The following EMG1 variants were observed in gnomAD, a reference collection of about 807,000 sequenced individuals.
EMG1 encodes ribosomal RNA small subunit methyltransferase NEP1.
EMG1 carries 24 observed loss-of-function variants against 26.9 expected under a neutral mutation model. The observed-to-expected ratio is 0.89, with a 90% CI of 0.65 to 1.26. The LOEUF (loss-of-function observed/expected upper bound fraction) is 1.26. Ranked by LOEUF, EMG1 falls within the 50% of genes most tolerant of loss-of-function variation. The probability of loss-of-function intolerance (pLI) is 0.00; values close to 1 mark genes in which losing one functional copy is unlikely to be tolerated. For synonymous variants in EMG1, 140 were observed against 112.6 expected (o/e 1.24, Z -1.54); for missense variants, 299 against 307.6 (o/e 0.97, Z 0.21).
At chr12:6,990,583 C>T (rs1210631461), downstream of EMG1, among the ~76,000 whole-genome samples, 1 of 150,052 alleles carries the variant, frequency 6.7e-6, no homozygotes, top group Non-Finnish European at 1.5e-5. Flanking sequence ...CCCCAAACAA[C>T]TTTTGTTAAT....
chr12:6,996,782 G>A (rs1443536256), intron 7 of EMG1, among the ~76,000 whole-genome samples: 6 of 152,214 alleles, frequency 3.9e-5, no homozygotes, highest in Non-Finnish European at 8.8e-5. Context: ...CAATGTTGTA[G>A]AGGTTAAAGA....
chr12:6,989,724 C>G (rs1286330770), downstream of EMG1, among the ~76,000 whole-genome samples: 1 of 152,144 alleles, frequency 6.6e-6, no homozygotes, highest in Non-Finnish European at 1.5e-5. Context: ...CACTCAGTTC[C>G]AAGTGCTGTT....
Position 6,976,365 on chromosome 12 carries a change from G to A in EMG1, c.*556G>A, listed in dbSNP as rs1372683725. 6.5e-6 allele frequency: 1 copy of A among 153,960 alleles called. No individual in the cohort carries two copies. Among genetic ancestry groups the A allele is most frequent in the Admixed American group, 6.5e-5 (1 of 15,462 alleles). 9.5% of individuals were successfully genotyped at this position (153,960 alleles called of 1,614,324 possible). On this transcript the variant is annotated 3_prime_UTR_variant, in exon 6 of 6. Coordinates refer to ENST00000599672, the MANE Select transcript of EMG1 (RefSeq NM_006331.8). ...CAATAGATTCCTGGCTAGATGGGGAGAGATAAGGCAATGTGCATGGGGGAA... is the reference window on the plus strand; with the variant it reads ...CAATAGATTCCTGGCTAGATGGGGAAAGATAAGGCAATGTGCATGGGGGAA...
In EMG1 at chr12:6,997,377, TTATGTG is replaced by T. The variant is rs1368752362; in HGVS notation, c.*366_*371del. 12 of 91,716 alleles carry T rather than the reference TTATGTG, an allele frequency of 1.3e-4. No homozygotes were observed. In the South Asian group the frequency reaches 3.1e-3, roughly 23 times the overall value. The allele number at this position is 91,716 out of a possible 1,614,324, so 5.7% of individuals were successfully genotyped here. A position where few individuals can be genotyped will look rare whatever the true frequency, so the allele number is the denominator to read the frequency against. On this transcript the variant is annotated 3_prime_UTR_variant and NMD_transcript_variant, in exon 8 of 8. Transcript: ENST00000607161. ...GCCATGCCCCCAAAACAACAGCAAA[TTATGTG>T]TGTGTGTGTGTGTGTGTGTGTGTGT...
intron 6 of EMG1, among the ~76,000 whole-genome samples, chr12:6,986,549 C>G (rs1946527701): frequency 6.6e-6 from 1 of 151,892 alleles, no homozygotes; most frequent in Non-Finnish European, 1.5e-5. Context: ...CTTTGGGAGG[C>G]TGAAGCAGGT....
downstream of EMG1, chr12:6,983,223 C>A (rs2138334604): frequency 2.0e-6 from 1 of 494,870 alleles, no homozygotes; most frequent in African/African-American, 2.0e-5. Flanking sequence ...CAAGGGTAAC[C>A]ACCCTCAAAA....
rs781806522 is a variant in EMG1 at position 6,978,141 on chromosome 12, T to C, written c.*2332T>C. On this transcript the variant is annotated 3_prime_UTR_variant, in exon 6 of 6. Coordinates refer to ENST00000599672, the MANE Select transcript of EMG1 (RefSeq NM_006331.8). ...ACCCAGGTCTTAACGCACTTTTATA[T>C]CTTGCCTTTTTTTCAAATATGACAG... 3 of 652,916 alleles carry C rather than the reference T, an allele frequency of 4.6e-6. No homozygotes were observed. The highest frequency in any genetic ancestry group is 7.8e-6 in the Non-Finnish European group (3 of 382,360). The allele number at this position is 652,916 out of a possible 1,614,324, so 40.4% of individuals were successfully genotyped here. A position where few individuals can be genotyped will look rare whatever the true frequency, so the allele number is the denominator to read the frequency against.
chr12:6,971,016 A>G lies in EMG1; in HGVS notation c.93A>G (p.Arg31=), dbSNP rs1477230827. The stretch of plus-strand genomic sequence containing the variant: ...ATGCTCTGCCACCCAAGCGGCCCCG[A>G]CTAGGGGCAGGAAACAAGATCGGAG... ...DWDALPPKRP[R]LGAGNKIGGR... The change falls in exon 1 of 6, where the codon CGA becomes CGG. Residue 31 remains arginine, a synonymous_variant. Coordinates refer to ENST00000599672, the MANE Select transcript of EMG1 (RefSeq NM_006331.8). 6.2e-7 allele frequency: 1 copy of G among 1,611,960 alleles called. No individual in the cohort carries two copies. The highest frequency in any genetic ancestry group is 8.5e-7 in the Non-Finnish European group (1 of 1,179,012).
Position 6,977,920 on chromosome 12 carries a change from ACCCAAGG to A in EMG1, c.*2113_*2119del. 1 of 719,478 alleles carries A rather than the reference ACCCAAGG, an allele frequency of 1.4e-6. No individual in the cohort carries two copies. Among genetic ancestry groups the A allele is most frequent in the Non-Finnish European group, 2.3e-6 (1 of 442,192 alleles). 44.6% of individuals were successfully genotyped at this position (719,478 alleles called of 1,614,324 possible). ...GATTACTTTTAGAGATGGAAAGCAG[ACCCAAGG>A]CGGAGCTGGAGACCGTGTGCGCACG... is the stretch of plus-strand genomic sequence containing the variant. On this transcript the variant is annotated 3_prime_UTR_variant, in exon 6 of 6. Transcript: ENST00000599672. This position sits in a 1 kb window ranked among gnomAD's most constrained non-coding sequence, Gnocchi z 4.5.
At chr12:6,984,808 C>CT (rs1946504848), downstream of EMG1, among the ~76,000 whole-genome samples, 1 of 152,044 alleles carries the variant, frequency 6.6e-6, no homozygotes, top group African/African-American at 2.4e-5. Flanking sequence ...TGGCCTTGAC[C>CT]TCCTGGGCTC....
At chr12:6,984,521 G>T (rs1946502735), downstream of EMG1, among the ~76,000 whole-genome samples, 1 of 152,190 alleles carries the variant, frequency 6.6e-6, no homozygotes, top group African/African-American at 2.4e-5. Flanking sequence ...AAGACATTCT[G>T]CCTATTCTTT....
At chr12:6,990,699 G>T (rs756674152), downstream of EMG1, among the ~76,000 whole-genome samples, 1 of 151,212 alleles carries the variant, frequency 6.6e-6, no homozygotes, top group Admixed American at 6.6e-5. Context: ...GAGGTGGGTG[G>T]ATCACTTGAG....
downstream of EMG1, among the ~76,000 whole-genome samples, chr12:6,984,755 T>G (rs1419739618): frequency 4.6e-5 from 7 of 152,114 alleles, no homozygotes; most frequent in African/African-American, 1.7e-4. Flanking sequence ...CCTGGCTATT[T>G]TGTAATTTTT....
chr12:6,974,386 ATTG>A lies in EMG1; in HGVS notation c.220_222del (p.Leu74del). ...TCAACTGTGACAAGCACAAGTCTAT[ATTG>A]TTGAAGAATGGACGGGACCCTGGGG... is the stretch of plus-strand genomic sequence containing the variant. On this transcript the variant is annotated inframe_deletion, in exon 2 of 6. Transcript: ENST00000599672. 6.2e-7 allele frequency: 1 copy of A among 1,613,850 alleles called. No homozygotes were observed. Among genetic ancestry groups the A allele is most frequent in the Non-Finnish European group, 8.5e-7 (1 of 1,179,802 alleles).
In EMG1 at chr12:6,971,091, G is replaced by A. The variant is rs1555152181; in HGVS notation, c.168G>A (p.Lys56=). The change falls in exon 1 of 6, where the codon AAG becomes AAA. Residue 56 remains lysine (K), a splice_region_variant and synonymous_variant. Coordinates refer to ENST00000599672, the MANE Select transcript of EMG1 (RefSeq NM_006331.8). ...AAGGGGCCAGTCTGGAGACAGTCAA[G>A]GTAGTTTGGGACAGGAAGTGGAGAA... ...VLEGASLETV[K]VGKTYELLNC... is the part of the protein sequence containing the mutation. 1.2e-6 allele frequency: 2 copies of A among 1,609,222 alleles called. No homozygotes were observed. Among genetic ancestry groups the A allele is most frequent in the Admixed American group, 3.4e-5 (2 of 59,286 alleles).
rs1946542810 is a variant in EMG1, at chr12:6,987,736, A to ATAT, written c.*155-43_*155-41dup. ...TGCTCGAAATTAAAAAACACCACACATATTACTCTGCCTCTTTAAGTTGAA... is the reference window on the plus strand; with the variant it reads ...TGCTCGAAATTAAAAAACACCACACATATTATTACTCTGCCTCTTTAAGTTGAA... On this transcript the variant is annotated intron_variant and NMD_transcript_variant, in intron 6 of 7. Coordinates refer to the EMG1 transcript ENST00000261406. The surrounding 1 kb of genome is among the most constrained non-coding windows in gnomAD (Gnocchi z 4.1). The ATAT allele has an allele frequency of 2.5e-6, 1 of 400,546 alleles. No individual in the cohort carries two copies. The highest frequency in any genetic ancestry group is 4.4e-5 in the Admixed American group (1 of 22,746). 24.8% of individuals were successfully genotyped at this position (400,546 alleles called of 1,614,324 possible). A position where few individuals can be genotyped will look rare whatever the true frequency, so the allele number is the denominator to read the frequency against.
At chr12:6,983,651 A>C (rs974468939), downstream of EMG1, 2 of 695,186 alleles carry the variant, frequency 2.9e-6, no homozygotes, top group Non-Finnish European at 5.1e-6. Flanking sequence ...GAAAAAAAAA[A>C]CAACATACAT....
At position 6,979,734 on chromosome 12, in the gene EMG1, G is replaced by T; in HGVS notation, c.*3925G>T. On this transcript the variant is annotated 3_prime_UTR_variant, in exon 6 of 6. Coordinates refer to ENST00000599672, the MANE Select transcript of EMG1 (RefSeq NM_006331.8). ...CTGCCCAAAGTGTTTCCTGTTTCAG[G>T]GAAAGATTTCTATGGCTGGCTATGA... The T allele has an allele frequency of 1.6e-6, 1 of 620,488 alleles. No individual in the cohort carries two copies. The highest frequency in any genetic ancestry group is 2.8e-5 in the Admixed American group (1 of 36,104). The allele number at this position is 620,488 out of a possible 1,614,324, so 38.4% of individuals were successfully genotyped here.
downstream of EMG1, among the ~76,000 whole-genome samples, chr12:6,984,691 A>G (rs958610601): frequency 6.6e-6 from 1 of 152,014 alleles, no homozygotes; most frequent in Non-Finnish European, 1.5e-5. Flanking sequence ...GGCTCAAGTG[A>G]TCCTCCAACT....
Sources: allele counts gnomAD v4.1 joint callset (sites outside exome capture counted in the v4.1 genomes callset), GRCh38; gene constraint gnomAD v4.1.1; non-coding constraint Gnocchi (gnomAD v3.1); transcripts MANE v1.5; gene names NCBI Gene and HGNC (gene_info 2026-07-23, HGNC 2026-07-21).